Variants in METTL24 observed in about 807,000 individuals in gnomAD.
METTL24 encodes methyltransferase like 24.
Under a neutral mutation model 32.7 loss-of-function variants are expected in METTL24, and 29 were observed. The observed-to-expected ratio is 0.89, with a 90% CI of 0.66 to 1.21. The LOEUF (loss-of-function observed/expected upper bound fraction) is 1.21. METTL24 is among the 50% of genes most tolerant of loss of function. METTL24 has a pLI of 0.00. For synonymous variants in METTL24, 163 were observed against 179.5 expected (o/e 0.91, Z 0.73); for missense variants, 439 against 468.1 (o/e 0.94, Z 0.57).
intron 4 of METTL24, among the ~76,000 whole-genome samples, chr6:110,269,402 GA>G (rs1367941824): frequency 1.3e-5 from 2 of 152,020 alleles, no homozygotes; most frequent in Non-Finnish European, 1.5e-5. Flanking sequence ...TATATTTCAG[GA>G]AAAGATCATT....
At chr6:110,280,118 C>T (rs538668510) in intron 4 of METTL24, among the ~76,000 whole-genome samples, 21 of 152,204 alleles carry the variant, frequency 1.4e-4, no homozygotes, top group Middle Eastern at 3.4e-3. Context: ...ATGAGAAACC[C>T]GCCCACATGA....
chr6:110,314,672 T>C (rs2114746592), intron 3 of METTL24, among the ~76,000 whole-genome samples: 1 of 152,324 alleles, frequency 6.6e-6, no homozygotes, highest in Non-Finnish European at 1.5e-5. Flanking sequence ...ATAAAATTTC[T>C]AACATATGGC....
chr6:110,260,269 A>G (rs965695735), intron 4 of METTL24, among the ~76,000 whole-genome samples: 1 of 152,222 alleles, frequency 6.6e-6, no homozygotes, highest in African/African-American at 2.4e-5. Flanking sequence ...GAAGTCCTTA[A>G]AGGACCTGAT....
intron 4 of METTL24, among the ~76,000 whole-genome samples, chr6:110,261,345 C>A (rs1275041552): frequency 6.6e-6 from 1 of 152,136 alleles, no homozygotes; most frequent in East Asian, 1.9e-4. Context: ...GACTTGAAAC[C>A]AACAAAGATC....
At chr6:110,257,582 C>G (rs919789085) in intron 4 of METTL24, among the ~76,000 whole-genome samples, 4 of 152,088 alleles carry the variant, frequency 2.6e-5, no homozygotes, top group Non-Finnish European at 4.4e-5. Context: ...CGAGATGGCT[C>G]GTAAAAACAC....
chr6:110,277,415 C>T (rs985953535), intron 4 of METTL24, among the ~76,000 whole-genome samples: 8 of 152,002 alleles, frequency 5.3e-5, no homozygotes, highest in Non-Finnish European at 8.8e-5. Flanking sequence ...AAGCTGAAAC[C>T]AAAAATAGTA....
intron 4 of METTL24, 26 bp downstream of exon 4, chr6:110,298,896 G>A (rs1385600955): frequency 2.5e-6 from 4 of 1,598,238 alleles, no homozygotes; most frequent in Non-Finnish European, 3.4e-6. Context: ...CTTTATTCAA[G>A]TATAAAATCA....
chr6:110,246,345 G>A (rs1187464242), intron 4 of METTL24, 85 bp from the exon 5 acceptor site: 3 of 1,245,648 alleles, frequency 2.4e-6, no homozygotes, highest in Non-Finnish European at 2.2e-6. Flanking sequence ...TACCTCTGAA[G>A]GAAACAGAAT....
intron 4 of METTL24, among the ~76,000 whole-genome samples, chr6:110,269,216 T>C (rs1348918164): frequency 1.3e-5 from 2 of 152,164 alleles, no homozygotes; most frequent in African/African-American, 4.8e-5. Context: ...CAAGAGGAAA[T>C]GTCTATCAAC....
intron 1 of METTL24, among the ~76,000 whole-genome samples, chr6:110,339,943 C>A (rs1271557372): frequency 6.6e-6 from 1 of 152,136 alleles, no homozygotes; most frequent in African/African-American, 2.4e-5. Context: ...AGGATGTGGA[C>A]AAGGTTGAAG....
At chr6:110,287,342 A>G (rs978388643) in intron 4 of METTL24, among the ~76,000 whole-genome samples, 8 of 152,190 alleles carry the variant, frequency 5.3e-5, no homozygotes, top group African/African-American at 1.7e-4. Context: ...ATGTCTCTGC[A>G]TTTCAAATTG....
intron 4 of METTL24, among the ~76,000 whole-genome samples, chr6:110,258,880 C>G (rs897398872): frequency 6.6e-6 from 1 of 151,938 alleles, no homozygotes; most frequent in Non-Finnish European, 1.5e-5. Flanking sequence ...GTCTGCAACT[C>G]TAAGTCTTCA....
chr6:110,253,729 C>T (rs910774233), intron 4 of METTL24, among the ~76,000 whole-genome samples: 1 of 152,186 alleles, frequency 6.6e-6, no homozygotes. Context: ...CACACACAAA[C>T]ACACAAGACA....
intron 4 of METTL24, among the ~76,000 whole-genome samples, chr6:110,291,290 TC>T (rs1178423692): frequency 6.6e-6 from 1 of 152,236 alleles, no homozygotes; most frequent in Admixed American, 6.5e-5. Context: ...GTAAAGATTT[TC>T]TCCTATGTTT....
chr6:110,283,828 A>G (rs1771176827), intron 4 of METTL24, among the ~76,000 whole-genome samples: 1 of 152,206 alleles, frequency 6.6e-6, no homozygotes, highest in South Asian at 2.1e-4. Context: ...TTCTGGGAAC[A>G]TACCCAAAAT....
At chr6:110,298,792 G>T in intron 4 of METTL24, 130 bp downstream of exon 4, 1 of 724,632 alleles carries the variant, frequency 1.4e-6, no homozygotes, top group Non-Finnish European at 2.3e-6. Flanking sequence ...AAATAATGTT[G>T]GGTGATTAGT....
At chr6:110,275,205 C>G (rs533446331) in intron 4 of METTL24, among the ~76,000 whole-genome samples, 35 of 152,072 alleles carry the variant, frequency 2.3e-4, no homozygotes, top group African/African-American at 8.0e-4. Context: ...AATTTTGAAC[C>G]TAGTTATTTC....
At chr6:110,267,153 A>C (rs1039089699) in intron 4 of METTL24, among the ~76,000 whole-genome samples, 8 of 152,222 alleles carry the variant, frequency 5.3e-5, no homozygotes, top group Non-Finnish European at 8.8e-5. Context: ...AGTTTCACTA[A>C]ATTTATGGTA....
intron 3 of METTL24, among the ~76,000 whole-genome samples, chr6:110,300,897 A>G (rs6932263): frequency 0.033 from 5,046 of 152,344 alleles, 274 homozygotes; most frequent in African/African-American, 0.12. Context: ...ACATCGTATT[A>G]GGTATTATAA....
Sources: allele counts gnomAD v4.1 joint callset (sites outside exome capture counted in the v4.1 genomes callset), GRCh38; gene constraint gnomAD v4.1.1; transcripts MANE v1.5; gene names NCBI Gene and HGNC (gene_info 2026-07-23, HGNC 2026-07-21).